RAP1GAP2: variants seen among roughly 807,000 people sequenced by gnomAD.
The protein encoded by RAP1GAP2 is rap1 GTPase-activating protein 2.
In RAP1GAP2, 27 loss-of-function variants were observed where a neutral mutation model predicts 95.0. That is an observed-to-expected ratio of 0.28 (90% confidence interval 0.21 to 0.39). RAP1GAP2 has a LOEUF of 0.39. Among genes scored for constraint, RAP1GAP2 ranks in the 10% least tolerant of loss-of-function variants. RAP1GAP2 has a pLI of 1.00. For synonymous variants in RAP1GAP2, 373 were observed against 380.9 expected, an observed-to-expected ratio of 0.98 and a Z score of 0.24; for missense variants, 771 against 970.0, an observed-to-expected ratio of 0.79 and a Z score of 2.72.
chr17:2,876,480 A>G (rs934256541), intron 2 of RAP1GAP2, among the ~76,000 whole-genome samples: 4 of 152,142 alleles, frequency 2.6e-5, no homozygotes, highest in South Asian at 2.1e-4. Flanking sequence ...TGGAGGGTCC[A>G]TAGGTGGATT....
intron 3 of RAP1GAP2, among the ~76,000 whole-genome samples, chr17:2,918,113 G>T (rs1247617574): frequency 6.6e-6 from 1 of 151,976 alleles, no homozygotes; most frequent in East Asian, 1.9e-4. Flanking sequence ...TTGCTCTAAA[G>T]TAATACCTGA....
In RAP1GAP2 at chr17:3,035,759, C is replaced by T. The variant is rs1385051552; in HGVS notation, c.*2398C>T. ...AAGGATGGCCCAGCCTCCCCTCCCT[C>T]CCCTAGACCACGGGGCGGGCAGCTC... On this transcript the variant is annotated 3_prime_UTR_variant, in exon 25 of 25. Coordinates refer to ENST00000254695, the MANE Select transcript of RAP1GAP2 (RefSeq NM_015085.5). The surrounding 1 kb of genome is among the most constrained non-coding windows in gnomAD (Gnocchi z 4.3). 6.6e-6 allele frequency: 1 copy of T among 152,402 alleles called. No individual in the cohort carries two copies. The highest frequency in any genetic ancestry group is 1.5e-5 in the Non-Finnish European group (1 of 68,184). 9.4% of individuals were successfully genotyped at this position (152,402 alleles called of 1,614,324 possible). A position where few individuals can be genotyped will look rare whatever the true frequency, so the allele number is the denominator to read the frequency against.
At chr17:3,026,835 G>T (rs4790113) in intron 21 of RAP1GAP2, 109 bp from the exon 22 acceptor site, 559,245 of 1,340,318 alleles carry the variant, frequency 0.42, 119,506 homozygotes, top group East Asian at 0.56. Context: ...AGGCCCAAGT[G>T]GGGAGCAGGA....
chr17:2,929,572 A>G (rs2043076413), intron 3 of RAP1GAP2, among the ~76,000 whole-genome samples: 1 of 152,152 alleles, frequency 6.6e-6, no homozygotes, highest in African/African-American at 2.4e-5. Context: ...GTTTGGCATC[A>G]ACACGGGGAG....
rs555951693 is a variant in RAP1GAP2, at chr17:2,833,490, A to G, written c.80+32940A>G. 1.6e-4 allele frequency among the ~76,000 whole-genome samples: 25 copies of G among 151,942 alleles called. 1 individual carries two copies. The South Asian group carries it at 4.4e-3, about 26-fold the overall frequency. On this transcript the variant is annotated intron_variant, in intron 2 of 24. Transcript: ENST00000254695. ...AAAGTGCCGAGGTCAGGAGATCGAG[A>G]CCATCTTGGCTAACACGGTGAAACC...
rs149967072 is a variant in RAP1GAP2 at position 3,032,428 on chromosome 17, T to C, written c.*9T>C. 759 of 1,613,874 alleles carry C rather than the reference T, an allele frequency of 4.7e-4. 5 individuals carry two copies. The African/African-American group carries it at 9.1e-3, about 19-fold the overall frequency. On this transcript the variant is annotated 3_prime_UTR_variant, in exon 24 of 25. Transcript: ENST00000254695. The stretch of plus-strand genomic sequence containing the variant: ...TGAAACAGGGTCACTAATGTGAAAG[T>C]GGAGTCCTTCGCCTGTCCAAGGTGG...
At chr17:3,002,996 T>C in intron 14 of RAP1GAP2, among the ~76,000 whole-genome samples, 1 of 151,764 alleles carries the variant, frequency 6.6e-6, no homozygotes. Context: ...AAAAGGCCAC[T>C]GGGCGACAGT....
At chr17:2,959,890 C>T (rs1279838704) in intron 4 of RAP1GAP2, among the ~76,000 whole-genome samples, 2 of 152,028 alleles carry the variant, frequency 1.3e-5, no homozygotes, top group African/African-American at 4.8e-5. Context: ...CTTGGGAGGT[C>T]GAGGCAGGTG....
chr17:2,778,313 C>T (rs764549507), intron 1 of RAP1GAP2, among the ~76,000 whole-genome samples: 1 of 118,298 alleles, frequency 8.5e-6, no homozygotes, highest in Non-Finnish European at 1.7e-5. Context: ...GGGTGGGATG[C>T]GGGGGCGGGA....
chr17:2,801,908 T>A (rs970153023), intron 2 of RAP1GAP2, among the ~76,000 whole-genome samples: 4 of 152,158 alleles, frequency 2.6e-5, no homozygotes, highest in Non-Finnish European at 5.9e-5. Context: ...CATCCTGATC[T>A]CCTTTTTCTT....
chr17:2,899,095 C>T (rs556035792), intron 2 of RAP1GAP2, among the ~76,000 whole-genome samples: 6 of 152,356 alleles, frequency 3.9e-5, no homozygotes, highest in Admixed American at 3.3e-4. Context: ...TCCTGTCACT[C>T]GGCACCGTGC....
intron 19 of RAP1GAP2, among the ~76,000 whole-genome samples, chr17:3,024,870 T>A (rs2047057689): frequency 6.6e-6 from 1 of 152,224 alleles, no homozygotes; most frequent in Non-Finnish European, 1.5e-5. Context: ...TCTACAGTGA[T>A]GGCTTCGGGA....
Position 3,004,555 on chromosome 17 carries a change from A to G in RAP1GAP2, c.1201-814A>G, listed in dbSNP as rs8075824. Among the ~76,000 whole-genome samples the G allele has an allele frequency of 0.029, 4,473 of 152,342 alleles. 223 individuals carry two copies. Among genetic ancestry groups the G allele is most frequent in the African/African-American group, 0.1 (4,208 of 41,578 alleles). ...GTCAGGGCACCTCTGTGCAGAGGGA[A>G]GGCGGGGTGTGGGGCCCGTCCCACG... On this transcript the variant is annotated intron_variant, in intron 14 of 24. Transcript: ENST00000254695. The surrounding 1 kb of genome is among the most constrained non-coding windows in gnomAD (Gnocchi z 4.1).
intron 2 of RAP1GAP2, among the ~76,000 whole-genome samples, chr17:2,895,727 CCA>C (rs1803231595): frequency 6.6e-6 from 1 of 152,150 alleles, no homozygotes; most frequent in African/African-American, 2.4e-5. Context: ...CAGGCGCCTG[CCA>C]CCATGCCTGG....
intron 3 of RAP1GAP2, among the ~76,000 whole-genome samples, chr17:2,910,608 G>T (rs1011661705): frequency 1.3e-5 from 2 of 152,214 alleles, no homozygotes; most frequent in Non-Finnish European, 2.9e-5. Context: ...AGTCACAGAA[G>T]ATTAGGGATG....
At position 2,855,678 on chromosome 17, in the gene RAP1GAP2, T is replaced by G. The variant is rs182155649; in HGVS notation, c.81-49606T>G. On this transcript the variant is annotated intron_variant, in intron 2 of 24. Transcript: ENST00000254695. The surrounding 1 kb of genome is among the most constrained non-coding windows in gnomAD (Gnocchi z 4.3). The stretch of plus-strand genomic sequence containing the variant: ...CCCAAGCTGGAGTACAGTGGCGCCA[T>G]CTCGGCCCACTGCAACCTCCACCTC... 6.6e-6 allele frequency among the ~76,000 whole-genome samples: 1 copy of G among 152,322 alleles called. No homozygotes were observed. The highest frequency in any genetic ancestry group is 2.4e-5 in the African/African-American group (1 of 41,582).
chr17:2,783,919 A>G (rs2068713329), intron 1 of RAP1GAP2, among the ~76,000 whole-genome samples: 1 of 152,228 alleles, frequency 6.6e-6, no homozygotes, highest in South Asian at 2.1e-4. Context: ...TGGCTGAGCT[A>G]AGGGACAAGC....
At chr17:2,838,167 C>A (rs547534627) in intron 2 of RAP1GAP2, among the ~76,000 whole-genome samples, 1 of 151,932 alleles carries the variant, frequency 6.6e-6, no homozygotes, top group East Asian at 1.9e-4. Context: ...TACAGGCGCC[C>A]ACCACTGCAT....
intron 2 of RAP1GAP2, among the ~76,000 whole-genome samples, chr17:2,852,349 TGGGGG>T (rs921614538): frequency 3.5e-5 from 4 of 112,708 alleles, no homozygotes; most frequent in African/African-American, 1.0e-4. Flanking sequence ...GGGGTGGGGG[TGGGGG>T]GCACAAGGCC....
Sources: gnomAD v4.1 joint callset for allele counts (sites outside exome capture counted in the v4.1 genomes callset) on GRCh38, gnomAD v4.1.1 for gene constraint, Gnocchi (gnomAD v3.1) non-coding constraint, MANE v1.5 for transcripts, NCBI Gene and HGNC (gene_info 2026-07-23, HGNC 2026-07-21) for gene names.